Variants in SYT1 observed in about 807,000 individuals in gnomAD.
SYT1 encodes the protein synaptotagmin 1.
SYT1 carries 8 observed loss-of-function variants against 44.8 expected under a neutral mutation model. The observed-to-expected ratio is 0.18, with a 90% CI of 0.10 to 0.32. The LOEUF (loss-of-function observed/expected upper bound fraction) is 0.32, where lower values mean the gene tolerates loss of function less well. Among genes scored for constraint, SYT1 ranks in the 10% least tolerant of loss-of-function variants. SYT1 has a pLI of 1.00. For synonymous variants in SYT1, 154 were observed against 188.8 expected (o/e 0.82, Z 1.51); for missense variants, 286 against 509.3 (o/e 0.56, Z 4.22).
intron 1 of SYT1, among the ~76,000 whole-genome samples, chr12:78,897,644 T>C (rs1875435534): frequency 6.6e-6 from 1 of 152,070 alleles, no homozygotes; most frequent in Admixed American, 6.6e-5. Flanking sequence ...GATCTATATA[T>C]AACTTATTAA....
intron 3 of SYT1, among the ~76,000 whole-genome samples, chr12:79,051,488 G>A (rs935291027): frequency 1.5e-4 from 22 of 151,042 alleles, no homozygotes; most frequent in Non-Finnish European, 2.5e-4. Flanking sequence ...ATGATAAGTA[G>A]TAAAGAAAAA....
At chr12:78,985,103 G>T (rs79681795) in intron 2 of SYT1, among the ~76,000 whole-genome samples, 10,784 of 151,550 alleles carry the variant, frequency 0.071, 470 homozygotes, top group East Asian at 0.15. Flanking sequence ...ATGACATAAT[G>T]CAATATTCTG....
At chr12:79,247,993 G>GA (rs1214882167) in intron 4 of SYT1, among the ~76,000 whole-genome samples, 2 of 152,122 alleles carry the variant, frequency 1.3e-5, no homozygotes, top group Non-Finnish European at 2.9e-5. Context: ...TTATTGGTTA[G>GA]AAAAAATAGC....
At chr12:78,908,342 T>A (rs1007962748) in intron 1 of SYT1, among the ~76,000 whole-genome samples, 1 of 151,094 alleles carries the variant, frequency 6.6e-6, no homozygotes, top group African/African-American at 2.4e-5. Context: ...ATACTGAATT[T>A]AAAATTACAA....
chr12:79,118,024 C>G (rs1372822388), intron 3 of SYT1, among the ~76,000 whole-genome samples: 1 of 151,894 alleles, frequency 6.6e-6, no homozygotes, highest in African/African-American at 2.4e-5. Context: ...TAGCACAGAG[C>G]CGAGAAAGGA....
intron 4 of SYT1, among the ~76,000 whole-genome samples, chr12:79,246,737 G>T (rs1876872775): frequency 6.6e-6 from 1 of 152,202 alleles, no homozygotes; most frequent in Admixed American, 6.5e-5. Context: ...TACCACACTG[G>T]TGATGAAGTT....
intron 9 of SYT1, among the ~76,000 whole-genome samples, chr12:79,428,380 A>G (rs964183629): frequency 6.6e-6 from 1 of 152,154 alleles, no homozygotes; most frequent in African/African-American, 2.4e-5. Context: ...ATTCTAGATG[A>G]TGCTCTGGAT....
At chr12:79,334,983 C>T (rs967960998) in intron 8 of SYT1, among the ~76,000 whole-genome samples, 1 of 152,120 alleles carries the variant, frequency 6.6e-6, no homozygotes, top group African/African-American at 2.4e-5. Flanking sequence ...ATCTAACTCA[C>T]TTTTTCCTTC....
intron 4 of SYT1, among the ~76,000 whole-genome samples, chr12:79,228,067 T>C (rs1482408897): frequency 6.6e-6 from 1 of 151,774 alleles, no homozygotes; most frequent in African/African-American, 2.4e-5. Context: ...TAATTTTACT[T>C]TCTCTCTCCT....
chr12:79,138,536 C>T lies in SYT1; in HGVS notation c.-17-78967C>T, dbSNP rs949577989. 5.3e-5 allele frequency among the ~76,000 whole-genome samples: 8 copies of T among 152,320 alleles called. No homozygotes were observed. In the East Asian group the frequency reaches 9.6e-4, roughly 18 times the overall value. On this transcript the variant is annotated intron_variant, in intron 3 of 10. Coordinates refer to ENST00000261205, the MANE Select transcript of SYT1 (RefSeq NM_005639.3). ...TTCTATTCACCTCCTGCCTTTGACCCGTCAGCTCTGCAACTTTGGGTAAAT... is the reference window on the plus strand; with the variant it reads ...TTCTATTCACCTCCTGCCTTTGACCTGTCAGCTCTGCAACTTTGGGTAAAT...
intron 1 of SYT1, among the ~76,000 whole-genome samples, chr12:78,956,024 G>A (rs1879197062): frequency 6.6e-6 from 1 of 151,936 alleles, no homozygotes; most frequent in Non-Finnish European, 1.5e-5. Flanking sequence ...GGGTAAGGAT[G>A]GAAACTTCTA....
intron 1 of SYT1, among the ~76,000 whole-genome samples, chr12:78,970,780 C>G (rs1868355076): frequency 6.6e-6 from 1 of 152,110 alleles, no homozygotes; most frequent in Non-Finnish European, 1.5e-5. Flanking sequence ...GAGAAATAAA[C>G]CCAATATGGC....
intron 3 of SYT1, among the ~76,000 whole-genome samples, chr12:79,122,696 A>G (rs1868297123): frequency 6.6e-6 from 1 of 152,156 alleles, no homozygotes; most frequent in Non-Finnish European, 1.5e-5. Context: ...TTTATTGCCT[A>G]TAAATTGAGT....
chr12:79,200,934 T>A (rs1173023366), intron 3 of SYT1, among the ~76,000 whole-genome samples: 1 of 152,152 alleles, frequency 6.6e-6, no homozygotes, highest in Admixed American at 6.5e-5. Flanking sequence ...AATTGGTGAA[T>A]CATCAACCTG....
chr12:79,320,349 C>T (rs1432226615), intron 8 of SYT1, among the ~76,000 whole-genome samples: 1 of 152,032 alleles, frequency 6.6e-6, no homozygotes, highest in East Asian at 1.9e-4. Flanking sequence ...TCATTTGGTC[C>T]CCAAATTATC....
chr12:79,394,220 A>T (rs1423287641), intron 9 of SYT1, among the ~76,000 whole-genome samples: 1 of 152,248 alleles, frequency 6.6e-6, no homozygotes, highest in Non-Finnish European at 1.5e-5. Context: ...AGCACCTGGT[A>T]AATGCTAGGG....
chr12:79,010,325 T>A (rs1389375072), intron 2 of SYT1, among the ~76,000 whole-genome samples: 1 of 152,144 alleles, frequency 6.6e-6, no homozygotes, highest in African/African-American at 2.4e-5. Context: ...ATGTCTCACA[T>A]GTATCTATCA....
At chr12:79,271,341 T>TC (rs1305343467) in intron 4 of SYT1, among the ~76,000 whole-genome samples, 5 of 152,192 alleles carry the variant, frequency 3.3e-5, no homozygotes, top group African/African-American at 1.2e-4. Context: ...AGTTATATTT[T>TC]TATTGTAGAA....
intron 1 of SYT1, among the ~76,000 whole-genome samples, chr12:78,950,796 T>G (rs954874055): frequency 2.6e-5 from 4 of 152,102 alleles, no homozygotes; most frequent in African/African-American, 9.6e-5. Flanking sequence ...GATTTGCTTT[T>G]CTAAACAGCA....
Sources: gnomAD v4.1 joint callset for allele counts (sites outside exome capture counted in the v4.1 genomes callset) on GRCh38, gnomAD v4.1.1 for gene constraint, MANE v1.5 for transcripts, NCBI Gene and HGNC (gene_info 2026-07-23, HGNC 2026-07-21) for gene names.